Variants in GABBR2 observed in about 807,000 individuals in gnomAD.
The protein encoded by GABBR2 is gamma-aminobutyric acid type B receptor subunit 2, also known as G-protein coupled receptor 51.
GABBR2 carries 23 observed loss-of-function variants against 105.6 expected under a neutral mutation model. That is an observed-to-expected ratio of 0.22 (90% CI 0.16 to 0.31). The LOEUF is 0.31. GABBR2 is among the 10% of genes least tolerant of loss of function. The pLI is 1.00. For missense variants in GABBR2, 734 were observed against 1,245.5 expected (o/e 0.59, Z 6.18); for synonymous variants, 478 against 499.7 (o/e 0.96, Z 0.58).
At chr9:98,311,027 G>A (rs207470394) in intron 14 of GABBR2, 68 bp downstream of exon 14, 3 of 825,430 alleles carry the variant, frequency 3.6e-6, no homozygotes, top group African/African-American at 1.7e-5. Flanking sequence ...ATTGATGGAG[G>A]CCCCTGGGAG....
chr9:98,409,467 G>A (rs1034862674), intron 7 of GABBR2, among the ~76,000 whole-genome samples: 8 of 152,188 alleles, frequency 5.3e-5, no homozygotes, highest in Non-Finnish European at 1.0e-4. Flanking sequence ...CATGGCAAAT[G>A]TAGCTAAGCA....
chr9:98,444,196 C>G (rs1286112599), intron 7 of GABBR2, among the ~76,000 whole-genome samples: 1 of 152,132 alleles, frequency 6.6e-6, no homozygotes, highest in East Asian at 1.9e-4. Context: ...GCACCCAGTT[C>G]TAAGCCTTAG....
chr9:98,371,356 A>C, intron 12 of GABBR2, 108 bp downstream of exon 12: 1 of 671,320 alleles, frequency 1.5e-6, no homozygotes, highest in Non-Finnish European at 2.7e-6. Context: ...GATTGTGTTT[A>C]GCTTGGATCC....
At chr9:98,327,181 C>A (rs1830938381) in intron 13 of GABBR2, among the ~76,000 whole-genome samples, 1 of 152,196 alleles carries the variant, frequency 6.6e-6, no homozygotes, top group African/African-American at 2.4e-5. Flanking sequence ...GACAACAATG[C>A]AGCTTGAAGT....
At chr9:98,409,772 G>T (rs1337890762) in intron 7 of GABBR2, among the ~76,000 whole-genome samples, 2 of 152,176 alleles carry the variant, frequency 1.3e-5, no homozygotes, top group Non-Finnish European at 2.9e-5. Flanking sequence ...CCTGGGATTG[G>T]CTGAGCTCAT....
chr9:98,660,055 C>G (rs1312336293), intron 1 of GABBR2, among the ~76,000 whole-genome samples: 1 of 152,074 alleles, frequency 6.6e-6, no homozygotes, highest in African/African-American at 2.4e-5. Context: ...TTTCATCTAA[C>G]AATAATTCCC....
chr9:98,661,874 G>C (rs894553892), intron 1 of GABBR2, among the ~76,000 whole-genome samples: 1 of 152,186 alleles, frequency 6.6e-6, no homozygotes, highest in Non-Finnish European at 1.5e-5. Context: ...AGAGCAGCCG[G>C]CATCCAGTGT....
intron 1 of GABBR2, among the ~76,000 whole-genome samples, chr9:98,591,778 G>A (rs951104079): frequency 1.3e-5 from 2 of 152,178 alleles, no homozygotes; most frequent in African/African-American, 2.4e-5. Flanking sequence ...GAAAGAGATC[G>A]AAGAAAGAAT....
chr9:98,541,043 A>G (rs1379133247), intron 3 of GABBR2, among the ~76,000 whole-genome samples: 2 of 152,206 alleles, frequency 1.3e-5, no homozygotes, highest in African/African-American at 4.8e-5. Context: ...ACACCTAGCC[A>G]TGAGAGTATG....
intron 6 of GABBR2, among the ~76,000 whole-genome samples, chr9:98,464,376 G>A (rs1826498262): frequency 6.6e-6 from 1 of 151,242 alleles, no homozygotes; most frequent in Admixed American, 6.6e-5. Context: ...TCTGGGAAGT[G>A]AGGAGCGCCT....
chr9:98,478,493 C>T (rs890481107), intron 5 of GABBR2, among the ~76,000 whole-genome samples: 1 of 152,150 alleles, frequency 6.6e-6, no homozygotes, highest in Non-Finnish European at 1.5e-5. Flanking sequence ...AGAAACTCCT[C>T]GGAATGGGGC....
chr9:98,543,067 G>T (rs1478535473), intron 2 of GABBR2, among the ~76,000 whole-genome samples: 3 of 152,086 alleles, frequency 2.0e-5, no homozygotes, highest in Non-Finnish European at 4.4e-5. Flanking sequence ...GATAGTCAAA[G>T]CTGTCCATCG....
At chr9:98,329,224 G>A (rs1830980195) in intron 13 of GABBR2, among the ~76,000 whole-genome samples, 1 of 152,210 alleles carries the variant, frequency 6.6e-6, no homozygotes, top group South Asian at 2.1e-4. Context: ...TCACCAGGGT[G>A]TTTGTAGGAA....
At chr9:98,344,039 T>A (rs2131411769) in intron 13 of GABBR2, among the ~76,000 whole-genome samples, 1 of 152,316 alleles carries the variant, frequency 6.6e-6, no homozygotes, top group Admixed American at 6.5e-5. Context: ...CAAACTCATC[T>A]GATTTTCTTC....
At chr9:98,505,022 G>A (rs1014634806) in intron 3 of GABBR2, among the ~76,000 whole-genome samples, 3 of 152,250 alleles carry the variant, frequency 2.0e-5, no homozygotes, top group African/African-American at 4.8e-5. Context: ...GCGCACCCCC[G>A]TGGTGCTGGA....
chr9:98,676,239 C>T (rs1457168768), intron 1 of GABBR2, among the ~76,000 whole-genome samples: 1 of 152,178 alleles, frequency 6.6e-6, no homozygotes, highest in East Asian at 1.9e-4. Context: ...CAGGTGACCT[C>T]GAGAAGTTGA....
chr9:98,363,057 T>G (rs1045970654), intron 12 of GABBR2, among the ~76,000 whole-genome samples: 3 of 152,156 alleles, frequency 2.0e-5, no homozygotes, highest in Non-Finnish European at 2.9e-5. Context: ...AACACATATG[T>G]GCATTTTGTT....
Position 98,537,382 on chromosome 9 carries a change from G to A in GABBR2, c.630+4491C>T, listed in dbSNP as rs192575403. Reference sequence around the variant, plus strand: ...CTGGGGGGTGGAACTGACTACAAATGGGCACATGGGAATTTTTAGAGTGAT... The same window carrying A: ...CTGGGGGGTGGAACTGACTACAAATAGGCACATGGGAATTTTTAGAGTGAT... On this transcript the variant is annotated intron_variant, in intron 3 of 18. Coordinates refer to ENST00000259455, the MANE Select transcript of GABBR2 (RefSeq NM_005458.8). Among the ~76,000 whole-genome samples, 410 of 152,198 alleles carry A rather than the reference G, an allele frequency of 2.7e-3. 3 individuals carry two copies. The highest frequency in any genetic ancestry group is 9.5e-3 in the African/African-American group (396 of 41,526).
At chr9:98,471,357 T>C (rs1826671287) in intron 6 of GABBR2, among the ~76,000 whole-genome samples, 1 of 152,164 alleles carries the variant, frequency 6.6e-6, no homozygotes, top group Non-Finnish European at 1.5e-5. Context: ...GTCCCATGCA[T>C]GAGACAGTGA....
Sources: allele counts gnomAD v4.1 joint callset (sites outside exome capture counted in the v4.1 genomes callset), GRCh38; gene constraint gnomAD v4.1.1; transcripts MANE v1.5; gene names NCBI Gene and HGNC (gene_info 2026-07-23, HGNC 2026-07-21).